Variants in NUBPL observed in about 807,000 individuals in gnomAD.
The protein encoded by NUBPL is iron-sulfur cluster transfer protein NUBPL.
NUBPL carries 31 observed loss-of-function variants against 45.7 expected under a neutral mutation model. The ratio of observed to expected loss-of-function variants is 0.68; its 90% CI spans 0.51 to 0.92. The LOEUF (loss-of-function observed/expected upper bound fraction) is 0.92, where lower values mean the gene tolerates loss of function less well. Ranked by LOEUF, NUBPL falls within the 40% of genes least tolerant of loss-of-function variation. The pLI, the probability that NUBPL is intolerant of heterozygous loss-of-function variation, is 0.00. For missense variants in NUBPL, 401 were observed against 398.7 expected, an observed-to-expected ratio of 1.01 and a Z score of -0.05; for synonymous variants, 144 against 140.9, an observed-to-expected ratio of 1.02 and a Z score of -0.15.
At chr14:31,570,302 A>G (rs1454532948) in intron 3 of NUBPL, among the ~76,000 whole-genome samples, 2 of 152,236 alleles carry the variant, frequency 1.3e-5, no homozygotes, top group African/African-American at 4.8e-5. Context: ...TTAAAGCAAC[A>G]TTTAATAAGG....
intron 6 of NUBPL, among the ~76,000 whole-genome samples, chr14:31,677,012 AT>A (rs201381913): frequency 5.5e-4 from 82 of 150,434 alleles, no homozygotes; most frequent in East Asian, 3.7e-3. Flanking sequence ...GAATGTATTT[AT>A]TTTTTTTTCT....
intron 7 of NUBPL, among the ~76,000 whole-genome samples, chr14:31,817,525 A>C (rs984563737): frequency 1.3e-5 from 2 of 152,246 alleles, no homozygotes; most frequent in Non-Finnish European, 2.9e-5. Context: ...GCCAATACTC[A>C]ACATTCTTAA....
At chr14:31,645,087 A>G (rs1237445812) in intron 4 of NUBPL, among the ~76,000 whole-genome samples, 9 of 129,742 alleles carry the variant, frequency 6.9e-5, no homozygotes, top group Non-Finnish European at 1.1e-4. Context: ...TTTTTTTGAG[A>G]TGGAGTCTCG....
At chr14:31,853,365 A>C (rs1280740482) in intron 10 of NUBPL, among the ~76,000 whole-genome samples, 2 of 152,130 alleles carry the variant, frequency 1.3e-5, no homozygotes, top group African/African-American at 4.8e-5. Flanking sequence ...CTAGACTGAT[A>C]CTTTTTATTG....
At chr14:31,774,717 A>G (rs1438160407) in intron 6 of NUBPL, among the ~76,000 whole-genome samples, 1 of 152,220 alleles carries the variant, frequency 6.6e-6, no homozygotes, top group Middle Eastern at 3.2e-3. Flanking sequence ...TTGAGTGTAA[A>G]ATGTAAAATA....
chr14:31,628,827 T>C (rs889615232), intron 4 of NUBPL, among the ~76,000 whole-genome samples: 3 of 152,218 alleles, frequency 2.0e-5, no homozygotes, highest in Non-Finnish European at 4.4e-5. Context: ...ACATTTGAGA[T>C]GTGATAAATT....
At chr14:31,663,014 A>G (rs894665875) in intron 4 of NUBPL, among the ~76,000 whole-genome samples, 6 of 152,090 alleles carry the variant, frequency 3.9e-5, no homozygotes, top group African/African-American at 1.4e-4. Flanking sequence ...ATTTTTTCAT[A>G]TATTTGTTGG....
chr14:31,833,553 T>C (rs977771068), intron 8 of NUBPL, among the ~76,000 whole-genome samples: 5 of 152,194 alleles, frequency 3.3e-5, no homozygotes, highest in Admixed American at 1.3e-4. Context: ...CTAATTGCTG[T>C]TACAAGTAGA....
intron 7 of NUBPL, among the ~76,000 whole-genome samples, chr14:31,819,728 A>G (rs2039983055): frequency 6.6e-6 from 1 of 152,242 alleles, no homozygotes; most frequent in South Asian, 2.1e-4. Flanking sequence ...CCAGACAATC[A>G]ACCTTTTATA....
intron 3 of NUBPL, among the ~76,000 whole-genome samples, chr14:31,584,788 C>T (rs2139506127): frequency 6.6e-6 from 1 of 152,250 alleles, no homozygotes; most frequent in Non-Finnish European, 1.5e-5. Context: ...GCTGGGAAGT[C>T]CAGGATCAAG....
At position 31,860,415 on chromosome 14, in the gene NUBPL, G is replaced by A. The variant is rs1338096776; in HGVS notation, c.*1235G>A. 2 of 150,566 alleles carry A rather than the reference G, an allele frequency of 1.3e-5. No individual in the cohort carries two copies. The highest frequency in any genetic ancestry group is 2.9e-5 in the Non-Finnish European group (2 of 67,826). The allele number at this position is 150,566 out of a possible 1,614,324, so 9.3% of individuals were successfully genotyped here. ...CCCCTCCTTTTTCAGAGCATTTCAT[G>A]AAGTTCACATTTCAAATAATACATT... On this transcript the variant is annotated 3_prime_UTR_variant, in exon 11 of 11. Transcript: ENST00000281081.
At chr14:31,837,921 T>C (rs553660300) in intron 8 of NUBPL, among the ~76,000 whole-genome samples, 14 of 152,202 alleles carry the variant, frequency 9.2e-5, no homozygotes, top group Non-Finnish European at 1.9e-4. Flanking sequence ...TTCCTTTCAC[T>C]GTCTCTGAAC....
intron 6 of NUBPL, among the ~76,000 whole-genome samples, chr14:31,750,489 G>A (rs925983268): frequency 2.6e-5 from 4 of 151,460 alleles, no homozygotes; most frequent in Admixed American, 6.6e-5. Flanking sequence ...GAGCCACCGC[G>A]CCTGGCCACA....
chr14:31,711,450 A>G (rs2037568571), intron 6 of NUBPL, among the ~76,000 whole-genome samples: 1 of 151,986 alleles, frequency 6.6e-6, no homozygotes, highest in Admixed American at 6.5e-5. Flanking sequence ...AGTGGTACTC[A>G]CCGCTCGGCG....
chr14:31,705,253 T>C (rs2037422000), intron 6 of NUBPL, among the ~76,000 whole-genome samples: 1 of 152,238 alleles, frequency 6.6e-6, no homozygotes. Context: ...TGGTGAGTGT[T>C]ACAGCTCATA....
rs146121891 is a variant in NUBPL, at chr14:31,778,340, AC to A, written c.514-9439del. 2.0e-4 allele frequency among the ~76,000 whole-genome samples: 30 copies of A among 152,298 alleles called. 1 individual carries two copies. The East Asian group carries it at 5.4e-3, about 27-fold the overall frequency. On this transcript the variant is annotated intron_variant, in intron 6 of 10. Coordinates refer to ENST00000281081, the MANE Select transcript of NUBPL (RefSeq NM_025152.3). ...CAAACAAACAAACAAGCCAAAAAAA[AC>A]AATGTGGTTTCTCCTGACTGGATGA...
chr14:31,593,295 C>T (rs2139533323), intron 3 of NUBPL, among the ~76,000 whole-genome samples: 1 of 151,936 alleles, frequency 6.6e-6, no homozygotes, highest in East Asian at 1.9e-4. Context: ...GGGCGGATCA[C>T]GAGGTCAGGA....
chr14:31,623,358 G>A (rs1405643522), intron 4 of NUBPL, among the ~76,000 whole-genome samples: 2 of 152,194 alleles, frequency 1.3e-5, no homozygotes, highest in Non-Finnish European at 2.9e-5. Flanking sequence ...GTTAATGCTG[G>A]AATGAGTTAA....
chr14:31,693,855 TTC>T (rs199738071), intron 6 of NUBPL, among the ~76,000 whole-genome samples: 36,770 of 132,516 alleles, frequency 0.28, 5,752 homozygotes, highest in South Asian at 0.38. Flanking sequence ...TTCTTTTCTT[TTC>T]TTTTTTTTTT....
Sources: allele counts gnomAD v4.1 joint callset (sites outside exome capture counted in the v4.1 genomes callset), GRCh38; gene constraint gnomAD v4.1.1; transcripts MANE v1.5; gene names NCBI Gene and HGNC (gene_info 2026-07-23, HGNC 2026-07-21).